Variants in RANBP2 observed in about 807,000 individuals in gnomAD.
The protein encoded by RANBP2 is RAN binding protein 2, also known as E3 SUMO-protein ligase RanBP2.
RANBP2 carries 57 observed loss-of-function variants against 303.6 expected under a neutral mutation model. That is an observed-to-expected ratio of 0.19 (90% CI 0.15 to 0.23). The LOEUF is 0.23. Ranked by LOEUF, RANBP2 falls within the 10% of genes least tolerant of loss-of-function variation. RANBP2 has a pLI of 1.00. For missense variants in RANBP2, 3,138 were observed against 3,780.8 expected (o/e 0.83, Z 4.46); for synonymous variants, 1,167 against 1,301.5 (o/e 0.90, Z 2.23).
the RANBP2 span, among the ~76,000 whole-genome samples, chr2:109,656,264 G>T: frequency 6.6e-6 from 1 of 152,202 alleles, no homozygotes; most frequent in African/African-American, 2.4e-5. Context: ...AATGAGTAAA[G>T]TGTATACCAT....
At chr2:108,966,348 T>C in the RANBP2 span, among the ~76,000 whole-genome samples, 2 of 152,258 alleles carry the variant, frequency 1.3e-5, no homozygotes, top group Non-Finnish European at 2.9e-5. Flanking sequence ...TTTACTATGC[T>C]GAGACTGGCA....
chr2:109,498,329 A>AT, the RANBP2 span, among the ~76,000 whole-genome samples: 1 of 152,032 alleles, frequency 6.6e-6, no homozygotes, highest in African/African-American at 2.4e-5. Flanking sequence ...GGAACACTGC[A>AT]CCCCCAAGTC....
chr2:109,638,163 G>A, the RANBP2 span, among the ~76,000 whole-genome samples: 1 of 152,128 alleles, frequency 6.6e-6, no homozygotes, highest in Non-Finnish European at 1.5e-5. Flanking sequence ...TGTGGCAAAA[G>A]GTTAACAGTT....
the RANBP2 span, among the ~76,000 whole-genome samples, chr2:108,793,482 T>TA: frequency 6.6e-6 from 1 of 152,226 alleles, no homozygotes; most frequent in African/African-American, 2.4e-5. Flanking sequence ...AGTAAATTGA[T>TA]ACAGCCACTT....
chr2:109,122,749 T>C, the RANBP2 span, among the ~76,000 whole-genome samples: 4 of 152,106 alleles, frequency 2.6e-5, no homozygotes, highest in Non-Finnish European at 4.4e-5. Context: ...CATGTGCCTG[T>C]GGTCCCAGCT....
the RANBP2 span, among the ~76,000 whole-genome samples, chr2:109,606,805 G>A: frequency 2.7e-5 from 4 of 147,040 alleles, no homozygotes; most frequent in East Asian, 6.2e-4. Context: ...TTAGCCTCCC[G>A]AGTAGCTGGG....
the RANBP2 span, among the ~76,000 whole-genome samples, chr2:109,591,726 C>G: frequency 6.6e-6 from 1 of 151,864 alleles, no homozygotes; most frequent in African/African-American, 2.4e-5. Context: ...AGCAAAACCC[C>G]GTCTCTAGTA....
the RANBP2 span, among the ~76,000 whole-genome samples, chr2:109,570,339 G>A: frequency 6.6e-6 from 1 of 152,086 alleles, no homozygotes; most frequent in South Asian, 2.1e-4. Context: ...AGGTAATATT[G>A]TAATGCTCAT....
At chr2:108,986,172 T>A in the RANBP2 span, among the ~76,000 whole-genome samples, 3 of 152,214 alleles carry the variant, frequency 2.0e-5, no homozygotes, top group Non-Finnish European at 4.4e-5. Context: ...AGTTTTTTTT[T>A]AGTTACTAGA....
At chr2:109,673,637 G>A in the RANBP2 span, among the ~76,000 whole-genome samples, 6 of 152,298 alleles carry the variant, frequency 3.9e-5, no homozygotes, top group East Asian at 1.2e-3. Context: ...GCCAAGGCAG[G>A]TGGATCACCT....
the RANBP2 span, chr2:109,593,248 T>A: frequency 1.9e-6 from 1 of 514,678 alleles, no homozygotes; most frequent in Non-Finnish European, 3.3e-6. Flanking sequence ...TGATGTGTAG[T>A]CTACATTATT....
chr2:109,313,832 G>A, the RANBP2 span, among the ~76,000 whole-genome samples: 5 of 152,350 alleles, frequency 3.3e-5, no homozygotes, highest in African/African-American at 1.2e-4. Context: ...AGTGCATGTG[G>A]GGGAGAGGAG....
chr2:109,273,368 C>G, the RANBP2 span, among the ~76,000 whole-genome samples: 1 of 152,180 alleles, frequency 6.6e-6, no homozygotes, highest in Non-Finnish European at 1.5e-5. Flanking sequence ...CTCCATTGAG[C>G]CTTAACGCAT....
At chr2:109,446,772 TTC>T in the RANBP2 span, among the ~76,000 whole-genome samples, 1 of 45,806 alleles carries the variant, frequency 2.2e-5, no homozygotes, top group Non-Finnish European at 7.2e-5. Flanking sequence ...ACTCCCTCTC[TTC>T]TTTGGTGCCT....
At chr2:109,510,419 G>T in the RANBP2 span, among the ~76,000 whole-genome samples, 1 of 152,190 alleles carries the variant, frequency 6.6e-6, no homozygotes, top group Non-Finnish European at 1.5e-5. Flanking sequence ...GCATGTGGGG[G>T]AGCAGACAGC....
the RANBP2 span, among the ~76,000 whole-genome samples, chr2:109,536,629 C>G: frequency 6.6e-6 from 1 of 152,056 alleles, no homozygotes; most frequent in African/African-American, 2.4e-5. Flanking sequence ...TGAGTTAAGA[C>G]TTTGGGGCTG....
the RANBP2 span, among the ~76,000 whole-genome samples, chr2:109,570,148 A>G: frequency 3.3e-5 from 5 of 152,304 alleles, no homozygotes; most frequent in African/African-American, 1.2e-4. Flanking sequence ...TAGTTTGTAC[A>G]ATAGAAAGCT....
the RANBP2 span, among the ~76,000 whole-genome samples, chr2:109,477,332 C>T: frequency 1.3e-5 from 2 of 152,172 alleles, no homozygotes; most frequent in Non-Finnish European, 1.5e-5. Flanking sequence ...TCCCTGCCCT[C>T]CATGAAAAAA....
the RANBP2 span, among the ~76,000 whole-genome samples, chr2:109,731,062 A>T: frequency 6.6e-6 from 1 of 152,160 alleles, no homozygotes; most frequent in Non-Finnish European, 1.5e-5. Flanking sequence ...TGCTGGGATT[A>T]CAGGTGTGAG....
Sources: gnomAD v4.1 joint callset for allele counts (sites outside exome capture counted in the v4.1 genomes callset) on GRCh38, gnomAD v4.1.1 for gene constraint, MANE v1.5 for transcripts, NCBI Gene and HGNC (gene_info 2026-07-23, HGNC 2026-07-21) for gene names.